The following SIAE variants were observed in gnomAD, a reference collection of about 807,000 sequenced individuals.
SIAE encodes the protein sialic acid acetylesterase.
In SIAE, 39 loss-of-function variants were observed where a neutral mutation model predicts 52.6. The ratio of observed to expected loss-of-function variants is 0.74; its 90% CI spans 0.57 to 0.97. The LOEUF is 0.97. Ranked by LOEUF, SIAE falls within the 50% of genes least tolerant of loss-of-function variation. The pLI, the probability that SIAE is intolerant of heterozygous loss-of-function variation, is 0.00. For missense variants in SIAE, 592 were observed against 662.1 expected, an observed-to-expected ratio of 0.89 and a Z score of 1.16; for synonymous variants, 233 against 241.4, an observed-to-expected ratio of 0.97 and a Z score of 0.32.
upstream of SIAE, chr11:124,675,399 C>G (rs1315511158): frequency 6.2e-7 from 1 of 1,611,410 alleles, no homozygotes; most frequent in Non-Finnish European, 8.5e-7. Flanking sequence ...ATTTTGAGAG[C>G]CTTCTAGAGA....
intron 3 of SIAE, among the ~76,000 whole-genome samples, chr11:124,655,174 C>CCTT (rs1555098374): frequency 7.4e-6 from 1 of 135,086 alleles, no homozygotes; most frequent in Non-Finnish European, 1.6e-5. Context: ...TTAACTTCTT[C>CCTT]TTTTTTTTTT....
At chr11:124,647,579 G>C in intron 6 of SIAE, 81 bp from the exon 7 acceptor site, 2 of 1,537,718 alleles carry the variant, frequency 1.3e-6, no homozygotes, top group Non-Finnish European at 1.8e-6. Flanking sequence ...CTCCATCCAT[G>C]CCCTGAGGTA....
chr11:124,640,155 G>T (rs1052139509), intron 7 of SIAE, among the ~76,000 whole-genome samples: 1 of 152,122 alleles, frequency 6.6e-6, no homozygotes, highest in African/African-American at 2.4e-5. Flanking sequence ...TAGAATGCAG[G>T]AGAATTGATG....
chr11:124,657,428 T>G (rs1249171092), intron 3 of SIAE, among the ~76,000 whole-genome samples: 1 of 152,220 alleles, frequency 6.6e-6, no homozygotes, highest in Non-Finnish European at 1.5e-5. Context: ...CTGCTTTCAT[T>G]CTCTCCACCC....
chr11:124,654,500 T>C (rs1591390092), intron 4 of SIAE, 155 bp downstream of exon 4: 1 of 985,340 alleles, frequency 1.0e-6, no homozygotes, highest in South Asian at 4.7e-5. Context: ...AAACCTGAAA[T>C]AGTCACCATC....
Position 124,673,730 on chromosome 11 carries a change from G to C in SIAE, c.-22C>G, listed in dbSNP as rs778409758. On this transcript the variant is annotated 5_prime_UTR_variant, in exon 1 of 10. Coordinates refer to ENST00000263593, the MANE Select transcript of SIAE (RefSeq NM_170601.5). ...CCATGCTTGCAAGGATCTGACCGCC[G>C]CCTAGGACTGGGAAAGTGGGTTCCC... The C allele has an allele frequency of 1.2e-6, 2 of 1,611,600 alleles. No individual in the cohort carries two copies. The highest frequency in any genetic ancestry group is 2.2e-5 in the South Asian group (2 of 90,622).
At chr11:124,668,076 A>C (rs1161759593) in intron 2 of SIAE, among the ~76,000 whole-genome samples, 2 of 151,930 alleles carry the variant, frequency 1.3e-5, no homozygotes, top group Non-Finnish European at 2.9e-5. Flanking sequence ...TAAAACATAC[A>C]CTCCTTAGCA....
chr11:124,671,317 A>T (rs1943351147), intron 1 of SIAE, among the ~76,000 whole-genome samples: 1 of 152,218 alleles, frequency 6.6e-6, no homozygotes, highest in Non-Finnish European at 1.5e-5. Flanking sequence ...TAATTCAACA[A>T]ATATTTATTG....
chr11:124,636,719 G>C lies in SIAE; in HGVS notation c.*232C>G, dbSNP rs887898125. 8 of 581,890 alleles carry C rather than the reference G, an allele frequency of 1.4e-5. No individual in the cohort carries two copies. The highest frequency in any genetic ancestry group is 4.7e-4 in the Middle Eastern group (1 of 2,144). 36.0% of individuals were successfully genotyped at this position (581,890 alleles called of 1,614,324 possible). A position where few individuals can be genotyped will look rare whatever the true frequency, so the allele number is the denominator to read the frequency against. On this transcript the variant is annotated 3_prime_UTR_variant, in exon 10 of 10. Coordinates refer to ENST00000263593, the MANE Select transcript of SIAE (RefSeq NM_170601.5). ...TGAGGTCCAATTTGTCTGTAGTTCA[G>C]AATTAGTCCAATACAGACCCTTAGA...
chr11:124,669,231 TA>T, intron 2 of SIAE, 128 bp downstream of exon 2: 1 of 1,234,880 alleles, frequency 8.1e-7, no homozygotes, highest in Non-Finnish European at 1.2e-6. Flanking sequence ...AAATAACTTT[TA>T]TGGATGAATG....
intron 1 of SIAE, 28 bp from the exon 2 acceptor site, chr11:124,669,549 A>T: frequency 6.2e-7 from 1 of 1,605,492 alleles, no homozygotes; most frequent in Non-Finnish European, 8.5e-7. Context: ...CACTGAGGGA[A>T]GCATCATCGG....
intron 9 of SIAE, among the ~76,000 whole-genome samples, chr11:124,637,578 G>A (rs1484651467): frequency 6.6e-6 from 1 of 152,142 alleles, no homozygotes; most frequent in Non-Finnish European, 1.5e-5. Context: ...CTGCTGCTCC[G>A]CTCTGGCACT....
intron 3 of SIAE, among the ~76,000 whole-genome samples, chr11:124,655,225 G>C (rs1943079947): frequency 6.7e-6 from 1 of 148,294 alleles, no homozygotes; most frequent in Admixed American, 6.7e-5. Flanking sequence ...CGCCCAGGCT[G>C]GAGTGTAGTG....
chr11:124,659,834 A>C (rs1943160121), intron 3 of SIAE: 1 of 152,226 alleles, frequency 6.6e-6, no homozygotes, highest in Admixed American at 6.5e-5. Flanking sequence ...CAAAAAGAAA[A>C]AAATAGAAAA....
At position 124,645,631 on chromosome 11, in the gene SIAE, T is replaced by C. The variant is rs527474503; in HGVS notation, c.966+1734A>G. On this transcript the variant is annotated intron_variant, in intron 7 of 9. Coordinates refer to ENST00000263593, the MANE Select transcript of SIAE (RefSeq NM_170601.5). The surrounding 1 kb of genome is among the most constrained non-coding windows in gnomAD (Gnocchi z 4.7). ...GCTATATTTCTAGCACCTCACAAGA[T>C]TCACAGCATATAATAAGCATTCAAC... Among the ~76,000 whole-genome samples, 1 of 152,230 alleles carries C rather than the reference T, an allele frequency of 6.6e-6. No homozygotes were observed. The highest frequency in any genetic ancestry group is 2.4e-5 in the African/African-American group (1 of 41,538).
intron 9 of SIAE, 72 bp from the exon 10 acceptor site, chr11:124,637,274 C>G: frequency 6.3e-7 from 1 of 1,598,070 alleles, no homozygotes; most frequent in Non-Finnish European, 8.6e-7. Context: ...ACTGCTCTTT[C>G]AGACAGAATG....
intron 3 of SIAE, chr11:124,660,321 T>G: frequency 7.1e-6 from 2 of 280,990 alleles, no homozygotes; most frequent in South Asian, 3.8e-5. Flanking sequence ...AGCAAGAAAA[T>G]AAAAATCAAC....
intron 6 of SIAE, 140 bp from the exon 7 acceptor site, chr11:124,647,638 G>T: frequency 9.7e-7 from 1 of 1,036,100 alleles, no homozygotes; most frequent in Non-Finnish European, 1.5e-6. Context: ...AGCCAGTGGG[G>T]CATCAGCAAA....
At chr11:124,675,624 A>G (rs1943452904), upstream of SIAE, 4 of 500,212 alleles carry the variant, frequency 8.0e-6, no homozygotes, top group South Asian at 2.5e-5. Flanking sequence ...TTACCAGTTC[A>G]TTATTCAGAC....
Sources: allele counts gnomAD v4.1 joint callset (sites outside exome capture counted in the v4.1 genomes callset), GRCh38; gene constraint gnomAD v4.1.1; non-coding constraint Gnocchi (gnomAD v3.1); transcripts MANE v1.5; gene names NCBI Gene and HGNC (gene_info 2026-07-23, HGNC 2026-07-21).